The following DGKI variants were observed in gnomAD, a reference collection of about 807,000 sequenced individuals.
The protein encoded by DGKI is diacylglycerol kinase iota, also known as DAG kinase iota.
In DGKI, 55 loss-of-function variants were observed where a neutral mutation model predicts 147.5. The observed-to-expected ratio is 0.37, with a 90% CI of 0.30 to 0.47. DGKI has a LOEUF of 0.47. DGKI is among the 20% of genes least tolerant of loss of function. DGKI has a pLI of 1.00. For synonymous variants in DGKI, 469 were observed against 477.1 expected (o/e 0.98, Z 0.22); for missense variants, 1,007 against 1,323.8 (o/e 0.76, Z 3.71).
At chr7:137,813,705 T>C (rs1797657536) in intron 1 of DGKI, among the ~76,000 whole-genome samples, 1 of 152,206 alleles carries the variant, frequency 6.6e-6, no homozygotes, top group African/African-American at 2.4e-5. Flanking sequence ...AAATTTCAAA[T>C]CTTAAAAGAG....
intron 6 of DGKI, among the ~76,000 whole-genome samples, chr7:137,638,263 C>A (rs371640305): frequency 6.6e-6 from 1 of 151,828 alleles, no homozygotes; most frequent in East Asian, 2.0e-4. Context: ...TTGCTTCTCA[C>A]CTTTCACCTC....
chr7:137,738,705 T>A (rs1795090718), intron 1 of DGKI, among the ~76,000 whole-genome samples: 1 of 143,800 alleles, frequency 7.0e-6, no homozygotes, highest in African/African-American at 2.6e-5. Flanking sequence ...TTTTTAGAAA[T>A]TCACAGAGAA....
At chr7:137,548,993 T>C (rs180708996) in intron 20 of DGKI, among the ~76,000 whole-genome samples, 375 of 152,124 alleles carry the variant, frequency 2.5e-3, no homozygotes, top group Non-Finnish European at 4.4e-3. Context: ...AATAAATAAA[T>C]TATCCAGCCT....
In DGKI at chr7:137,817,238, T is replaced by TC. The variant is rs548965593; in HGVS notation, c.401+29223dup. Among the ~76,000 whole-genome samples, 640 of 152,298 alleles carry TC rather than the reference T, an allele frequency of 4.2e-3. 7 individuals carry two copies. Among genetic ancestry groups the TC allele is most frequent in the African/African-American group, 0.015 (618 of 41,556 alleles). ...AATTCCCCATCATCCTTTCATCAAT[T>TC]CGATTCAAAGTGTCATCAGTTCAAA... On this transcript the variant is annotated intron_variant, in intron 1 of 32. Transcript: ENST00000614521.
Position 137,458,729 on chromosome 7 carries a change from G to C in DGKI, c.2735+4760C>G, listed in dbSNP as rs150475105. Among the ~76,000 whole-genome samples, 517 of 152,100 alleles carry C rather than the reference G, an allele frequency of 3.4e-3. 4 individuals are homozygous for C. Among genetic ancestry groups the C allele is most frequent in the African/African-American group, 0.011 (471 of 41,442 alleles). ...TCTTCCTTACAACTCAAATAGATTT[G>C]GTCTGCTAAAATTTAAGTAAATTCC... On this transcript the variant is annotated intron_variant, in intron 27 of 32. Transcript: ENST00000614521.
At chr7:137,713,211 T>C (rs144557079) in intron 1 of DGKI, among the ~76,000 whole-genome samples, 3 of 152,314 alleles carry the variant, frequency 2.0e-5, no homozygotes, top group East Asian at 1.9e-4. Context: ...TTGATAAACA[T>C]AGCAACCAGC....
intron 1 of DGKI, among the ~76,000 whole-genome samples, chr7:137,761,046 A>G (rs1458977765): frequency 6.6e-6 from 1 of 152,114 alleles, no homozygotes; most frequent in Non-Finnish European, 1.5e-5. Flanking sequence ...CCATCTTAAA[A>G]CGACATCCCT....
At chr7:137,411,792 G>A (rs764841274) in intron 29 of DGKI, among the ~76,000 whole-genome samples, 9 of 152,116 alleles carry the variant, frequency 5.9e-5, no homozygotes, top group Non-Finnish European at 1.0e-4. Context: ...ATAAAACCAC[G>A]ACAAGGAAAG....
rs574186498 is a variant in DGKI, at chr7:137,629,469, C to T, written c.805-5915G>A. Among the ~76,000 whole-genome samples the T allele has an allele frequency of 2.0e-5, 3 of 152,318 alleles. No homozygotes were observed. The East Asian group carries it at 5.8e-4, about 29-fold the overall frequency. ...CCTCAAACTGGTTGTGGTGTTTCAA[C>T]ATAATTGCTTCCAACCCTCCGAAGT... On this transcript the variant is annotated intron_variant, in intron 6 of 32. Coordinates refer to ENST00000614521, the MANE Select transcript of DGKI (RefSeq NM_001321708.2).
At chr7:137,766,313 G>A (rs1272662886) in intron 1 of DGKI, among the ~76,000 whole-genome samples, 1 of 152,158 alleles carries the variant, frequency 6.6e-6, no homozygotes, top group Non-Finnish European at 1.5e-5. Context: ...ATATGGTTGT[G>A]TCAACGTGAT....
chr7:137,493,731 A>G (rs1815857486), intron 21 of DGKI: 1 of 700,906 alleles, frequency 1.4e-6, no homozygotes, highest in Admixed American at 2.0e-5. Context: ...AAAGATGAAA[A>G]AGAACCAGCG....
intron 1 of DGKI, among the ~76,000 whole-genome samples, chr7:137,816,196 C>T (rs976597907): frequency 6.6e-6 from 1 of 152,186 alleles, no homozygotes; most frequent in Non-Finnish European, 1.5e-5. Context: ...TAACCCCCAA[C>T]TCCCCATAGC....
At chr7:137,811,384 TCA>T (rs55647700) in intron 1 of DGKI, among the ~76,000 whole-genome samples, 3,327 of 132,038 alleles carry the variant, frequency 0.025, 43 homozygotes, top group Admixed American at 0.038. Context: ...TCTCTCTCTC[TCA>T]CACACACACA....
At chr7:137,463,907 A>T (rs1814550389) in intron 26 of DGKI, among the ~76,000 whole-genome samples, 1 of 152,210 alleles carries the variant, frequency 6.6e-6, no homozygotes, top group Admixed American at 6.5e-5. Flanking sequence ...ATTAGAAAAT[A>T]ACAAAGTCCA....
Position 137,619,858 on chromosome 7 carries a change from G to A in DGKI, c.959C>T (p.Pro320Leu), listed in dbSNP as rs773058095. Residue 320 changes from proline (P) to leucine (L), a missense_variant, in exon 8 of 33, where the codon CCG becomes CTG. Transcript: ENST00000614521. ...SLGAHAAVIV[P>L]PTWIIKVKKP... ...CTTCACCTTAATGATCCAAGTGGGC[G>A]GGACAATAACAGCAGCATGAGCCCC... is the stretch of plus-strand genomic sequence containing the variant. 2.5e-6 allele frequency: 4 copies of A among 1,613,748 alleles called. No homozygotes were observed. The African/African-American group carries it at 4.0e-5, about 16-fold the overall frequency.
chr7:137,723,039 T>C (rs1406343175), intron 1 of DGKI, among the ~76,000 whole-genome samples: 1 of 152,214 alleles, frequency 6.6e-6, no homozygotes, highest in East Asian at 1.9e-4. Flanking sequence ...AATTATATTA[T>C]CAACCTCATA....
In DGKI at chr7:137,463,431, C is replaced by T. The variant is rs1018879116; in HGVS notation, c.2735+58G>A. On this transcript the variant is annotated intron_variant, in intron 27 of 32. Transcript: ENST00000614521. ...GACCACTGGGGCACAGCCCACAGTA[C>T]ATCCTCTCCCAGCAATCACAGTGGC... The T allele has an allele frequency of 2.6e-5, 42 of 1,599,934 alleles. No individual in the cohort carries two copies. In the Admixed American group the frequency reaches 6.9e-4, roughly 26 times the overall value.
Position 137,569,728 on chromosome 7 carries a change from C to CAAAAAAAAAAAA in DGKI, c.1947+1435_1947+1446dup, listed in dbSNP as rs60719355. 9.1e-4 allele frequency among the ~76,000 whole-genome samples: 59 copies of CAAAAAAAAAAAA among 64,618 alleles called. 4 individuals are homozygous for CAAAAAAAAAAAA. Among genetic ancestry groups the CAAAAAAAAAAAA allele is most frequent in the Non-Finnish European group, 1.3e-3 (47 of 34,854 alleles). 42.4% of individuals were successfully genotyped at this position (64,618 alleles called of 152,430 possible). On this transcript the variant is annotated intron_variant, in intron 19 of 32. Coordinates refer to ENST00000614521, the MANE Select transcript of DGKI (RefSeq NM_001321708.2). ...TGGGCAACAGAGTGAGACTCTGTCTCAAAAAAAAAAAAAAAAAAAAAAAAA... is the reference window on the plus strand; with the variant it reads ...TGGGCAACAGAGTGAGACTCTGTCTCAAAAAAAAAAAAAAAAAAAAAAAAAAAAAAAAAAAAA...
chr7:137,802,851 TTA>T (rs571816467), intron 1 of DGKI, among the ~76,000 whole-genome samples: 135 of 152,332 alleles, frequency 8.9e-4, no homozygotes, highest in African/African-American at 3.1e-3. Context: ...TAATTGAATT[TTA>T]TTTAACTAAT....
Sources: gnomAD v4.1 joint callset for allele counts (sites outside exome capture counted in the v4.1 genomes callset) on GRCh38, gnomAD v4.1.1 for gene constraint, MANE v1.5 for transcripts, NCBI Gene and HGNC (gene_info 2026-07-23, HGNC 2026-07-21) for gene names.